Variants in PDLIM2 observed in about 807,000 individuals in gnomAD.
The protein encoded by PDLIM2 is PDZ and LIM domain protein 2.
A neutral mutation model predicts 54.1 loss-of-function variants in PDLIM2; 51 were observed. The observed-to-expected ratio is 0.94, with a 90% CI of 0.75 to 1.19. PDLIM2 has a LOEUF of 1.19. Ranked by LOEUF, PDLIM2 falls within the 50% of genes most tolerant of loss-of-function variation. The probability of loss-of-function intolerance (pLI) is 0.00; values close to 1 mark genes in which losing one functional copy is unlikely to be tolerated. For missense variants in PDLIM2, 912 were observed against 874.0 expected (o/e 1.04, Z -0.55); for synonymous variants, 398 against 385.6 (o/e 1.03, Z -0.38).
exon 10 of PDLIM2, chr8:22,593,794 G>C (rs370296885): frequency 2.1e-5 from 34 of 1,605,594 alleles, no homozygotes; most frequent in Non-Finnish European, 2.9e-5. Context: ...CACCTGTGCC[G>C]ACTGTGGGCT....
At chr8:22,593,577 C>CA (rs59345957) in intron 9 of PDLIM2, 156 bp from the exon 9 acceptor site, 11,849 of 387,316 alleles carry the variant, frequency 0.031, 105 homozygotes, top group East Asian at 0.07. Context: ...AACTCCATCT[C>CA]AAAAAAAAAA....
chr8:22,589,389 C>T lies in PDLIM2; in HGVS notation c.1367+15C>T, dbSNP rs1261374542. 9.8e-6 allele frequency: 15 copies of T among 1,535,848 alleles called. No homozygotes were observed. The Admixed American group carries it at 1.4e-4, about 14-fold the overall frequency. On this transcript the variant is annotated intron_variant, in intron 7 of 9. Transcript: ENST00000308354. ...TCCAGGCCCAGGTACCAGCAGGCCC[C>T]GGAGGGTCGGGTTGGGGTCTTGGAA...
exon 8 of PDLIM2, chr8:22,589,685 C>G: frequency 6.3e-7 from 1 of 1,575,178 alleles, no homozygotes; most frequent in Non-Finnish European, 8.6e-7. Context: ...CGGGCGGCCC[C>G]CCGACAGTCC....
chr8:22,595,326 G>A (rs544813017), downstream of PDLIM2: 1 of 152,376 alleles, frequency 6.6e-6, no homozygotes, highest in Admixed American at 6.5e-5. Flanking sequence ...AAAAGATCAA[G>A]GCTGTCTGGC....
At chr8:22,579,114 C>G in exon 1 of PDLIM2, 2 of 1,274,270 alleles carry the variant, frequency 1.6e-6, no homozygotes, top group Non-Finnish European at 2.0e-6. Flanking sequence ...CCGGGAGCCC[C>G]GGGCGGGCTC....
exon 10 of PDLIM2, chr8:22,594,228 G>T: frequency 7.2e-7 from 1 of 1,395,918 alleles, no homozygotes; most frequent in Non-Finnish European, 9.3e-7. Flanking sequence ...GTGGGCCAGG[G>T]GCTAATGGTG....
downstream of PDLIM2, chr8:22,595,122 T>G (rs1800657452): frequency 6.4e-6 from 1 of 155,242 alleles, no homozygotes; most frequent in Non-Finnish European, 1.4e-5. Context: ...TCAGAGAAGA[T>G]CAAAGCTGGG....
At chr8:22,587,168 C>T (rs1042588721) in intron 6 of PDLIM2, among the ~76,000 whole-genome samples, 5 of 152,166 alleles carry the variant, frequency 3.3e-5, no homozygotes, top group African/African-American at 9.7e-5. Context: ...ATGGAGCTGA[C>T]GTTCTAGTCT....
downstream of PDLIM2, chr8:22,595,445 G>C (rs1462666202): frequency 2.0e-5 from 3 of 152,256 alleles, no homozygotes; most frequent in African/African-American, 2.4e-5. Context: ...GCAACACTGG[G>C]CTTCTGGGCA....
At chr8:22,594,075 A>C in exon 10 of PDLIM2, 1 of 1,433,884 alleles carries the variant, frequency 7.0e-7, no homozygotes, top group Non-Finnish European at 9.1e-7. Flanking sequence ...CCTGTCTTGG[A>C]CTGTGGGAGA....
intron 6 of PDLIM2, 73 bp downstream of exon 5, chr8:22,585,472 G>C (rs1563865907): frequency 1.4e-6 from 2 of 1,451,844 alleles, no homozygotes; most frequent in African/African-American, 2.8e-5. Flanking sequence ...CCAGTGCCCC[G>C]GGACTGCAGG....
downstream of PDLIM2, chr8:22,594,807 T>A: frequency 8.3e-7 from 1 of 1,208,004 alleles, no homozygotes; most frequent in Non-Finnish European, 1.1e-6. Context: ...GCTCAGGCTT[T>A]AGGCCCAGGT....
At chr8:22,585,797 C>G (rs572746567) in intron 6 of PDLIM2, 45 of 155,136 alleles carry the variant, frequency 2.9e-4, no homozygotes, top group Non-Finnish European at 5.3e-4. Context: ...TTCCAAGACC[C>G]GGGCCTGCCT....
At chr8:22,583,025 T>A (rs918007784) in intron 3 of PDLIM2, among the ~76,000 whole-genome samples, 2 of 151,042 alleles carry the variant, frequency 1.3e-5, no homozygotes, top group Admixed American at 6.6e-5. Context: ...TGAGCTCTCC[T>A]CACCCTGATC....
chr8:22,593,766 C>A lies in PDLIM2; in HGVS notation c.1665C>A (p.Tyr555Ter). ...CTGTGCGCATCCAGGAGGGCCGGTA[C>A]CGCCACCCCGGCTGCTACACCTGTG... Residue 555 changes from tyrosine to a stop codon, truncating the protein, a stop_gained, in exon 10 of 10, where the codon TAC (tyrosine) becomes TAA (stop). Coordinates refer to ENST00000308354, the Ensembl canonical transcript of PDLIM2. LOFTEE classifies it high-confidence loss of function. The A allele has an allele frequency of 6.2e-7, 1 of 1,602,246 alleles. No homozygotes were observed. The highest frequency in any genetic ancestry group is 8.5e-7 in the Non-Finnish European group (1 of 1,175,592).
At chr8:22,580,528 C>G (rs1448794785) in intron 1 of PDLIM2, 4 of 1,609,340 alleles carry the variant, frequency 2.5e-6, no homozygotes, top group Non-Finnish European at 3.4e-6. Flanking sequence ...CCTTTGGCTC[C>G]TCTCCTGCTG....
At chr8:22,590,086 A>G in intron 8 of PDLIM2, 1 of 298,716 alleles carries the variant, frequency 3.3e-6, no homozygotes, top group Non-Finnish European at 6.4e-6. Context: ...TCTTGGCCTT[A>G]GAAAAAACAT....
At chr8:22,593,678 G>T in intron 9 of PDLIM2, 55 bp from the exon 9 acceptor site, 2 of 1,500,554 alleles carry the variant, frequency 1.3e-6, no homozygotes, top group Non-Finnish European at 1.8e-6. Context: ...CCTGGGCATG[G>T]TGGCCTCCTG....
intron 1 of PDLIM2, chr8:22,580,147 G>A: frequency 3.6e-6 from 1 of 274,410 alleles, no homozygotes; most frequent in Non-Finnish European, 7.2e-6. Flanking sequence ...GCTCTCCCTA[G>A]GCCACTCACC....
Sources: gnomAD v4.1 joint callset for allele counts (sites outside exome capture counted in the v4.1 genomes callset) on GRCh38, gnomAD v4.1.1 for gene constraint, MANE v1.5 for transcripts, NCBI Gene and HGNC (gene_info 2026-07-23, HGNC 2026-07-21) for gene names.